The following SRPRA variants were observed in gnomAD, a reference collection of about 807,000 sequenced individuals.
The protein encoded by SRPRA is SRP receptor subunit alpha, also known as signal recognition particle receptor subunit alpha.
SRPRA carries 30 observed loss-of-function variants against 61.1 expected under a neutral mutation model. The ratio of observed to expected loss-of-function variants is 0.49; its 90% confidence interval spans 0.37 to 0.67. SRPRA has a LOEUF of 0.67. Ranked by LOEUF, SRPRA falls within the 30% of genes least tolerant of loss-of-function variation. SRPRA has a pLI of 0.00. For synonymous variants in SRPRA, 324 were observed against 299.7 expected, an observed-to-expected ratio of 1.08 and a Z score of -0.84; for missense variants, 759 against 828.4, an observed-to-expected ratio of 0.92 and a Z score of 1.03.
the SRPRA span, among the ~76,000 whole-genome samples, chr11:126,240,481 G>GCTATA: frequency 7.1e-3 from 1,078 of 152,198 alleles, 12 homozygotes; most frequent in African/African-American, 0.023. Flanking sequence ...AGTCAGCTGA[G>GCTATA]CTATAGTCTA....
chr11:126,236,535 A>G, the SRPRA span, among the ~76,000 whole-genome samples: 5 of 152,104 alleles, frequency 3.3e-5, no homozygotes, highest in Non-Finnish European at 5.9e-5. Context: ...TTTTATTCTC[A>G]GTAACCTGAA....
At chr11:126,241,789 A>G in the SRPRA span, among the ~76,000 whole-genome samples, 1 of 152,064 alleles carries the variant, frequency 6.6e-6, no homozygotes, top group Non-Finnish European at 1.5e-5. Flanking sequence ...ACCTCAAGTG[A>G]TCTGCCCACC....
chr11:126,262,038 ATTGAC>A (rs1183925441), downstream of SRPRA: 4 of 1,388,178 alleles, frequency 2.9e-6, no homozygotes, highest in Admixed American at 1.7e-5. Flanking sequence ...AAGGGTTAGG[ATTGAC>A]TTAAGTATCT....
In SRPRA at chr11:126,263,437, T is replaced by C. The variant is rs888398701; in HGVS notation, c.*479A>G. The C allele has an allele frequency of 6.4e-6, 1 of 156,308 alleles. No individual in the cohort carries two copies. Among genetic ancestry groups the C allele is most frequent in the Non-Finnish European group, 1.4e-5 (1 of 70,418 alleles). 9.7% of individuals were successfully genotyped at this position (156,308 alleles called of 1,614,324 possible). A position where few individuals can be genotyped will look rare whatever the true frequency, so the allele number is the denominator to read the frequency against. On this transcript the variant is annotated 3_prime_UTR_variant, in exon 14 of 14. Coordinates refer to ENST00000332118, the MANE Select transcript of SRPRA (RefSeq NM_003139.4). The stretch of plus-strand genomic sequence containing the variant: ...ATTAACAGGCAATACACTGCCACAG[T>C]GAGGCGGGTGTCATCCAGGTCCTGG...
downstream of SRPRA, among the ~76,000 whole-genome samples, chr11:126,258,365 C>T (rs1287790270): frequency 1.3e-5 from 2 of 152,142 alleles, no homozygotes; most frequent in Admixed American, 1.3e-4. Flanking sequence ...ACAGTCTGAG[C>T]AATAAAGCAA....
chr11:126,254,572 C>CCTATAA, the SRPRA span: 2 of 1,157,594 alleles, frequency 1.7e-6, no homozygotes, highest in Non-Finnish European at 2.4e-6. Context: ...GTGGCTCATG[C>CCTATAA]CTATAATCCC....
chr11:126,254,366 C>G, the SRPRA span: 15 of 1,614,218 alleles, frequency 9.3e-6, no homozygotes, highest in African/African-American at 1.5e-4. Context: ...GGAGTCTACA[C>G]CAACCCTAGT....
the SRPRA span, among the ~76,000 whole-genome samples, chr11:126,253,119 T>C: frequency 2.0e-5 from 3 of 152,246 alleles, no homozygotes; most frequent in Non-Finnish European, 2.9e-5. This position sits in a 1 kb window ranked among gnomAD's most constrained non-coding sequence, Gnocchi z 5.1. Flanking sequence ...TATGACCAAG[T>C]GTGTTCATGG....
At chr11:126,250,631 TG>T in the SRPRA span, 1 of 1,614,156 alleles carries the variant, frequency 6.2e-7, no homozygotes, top group Admixed American at 1.7e-5. The surrounding 1 kb of genome is among the most constrained non-coding windows in gnomAD (Gnocchi z 5.1). Context: ...TGATGGAAAA[TG>T]GAGCCCTCGT....
chr11:126,266,543 A>ACTT lies in SRPRA; in HGVS notation c.770_772dup (p.Glu257dup). The ACTT allele has an allele frequency of 1.2e-6, 2 of 1,614,022 alleles. No homozygotes were observed. Among genetic ancestry groups the ACTT allele is most frequent in the Non-Finnish European group, 1.7e-6 (2 of 1,179,986 alleles). ...GGTGGTGGGAGTACTGTAATCCAAC[A>ACTT]CTTCTTTGTTAGCACAGCCACCCAG... On this transcript the variant is annotated inframe_insertion, in exon 6 of 14. Coordinates refer to ENST00000332118, the MANE Select transcript of SRPRA (RefSeq NM_003139.4).
chr11:126,237,856 C>CAA, the SRPRA span, among the ~76,000 whole-genome samples: 8 of 60,020 alleles, frequency 1.3e-4, no homozygotes, highest in Admixed American at 1.8e-4. Flanking sequence ...ACTCCGTCTC[C>CAA]AAAAAAAAAA....
In SRPRA at chr11:126,266,167, C is replaced by T; in HGVS notation, c.932+20G>A. ...AGTTTTGCAGATGCATATACCAACC[C>T]CCACCTGAAATTCCCCTACCTAGGT... On this transcript the variant is annotated intron_variant, in intron 7 of 13. Transcript: ENST00000332118. The T allele has an allele frequency of 6.2e-7, 1 of 1,613,852 alleles. No individual in the cohort carries two copies. The highest frequency in any genetic ancestry group is 1.1e-5 in the South Asian group (1 of 91,074).
In SRPRA at chr11:126,264,859, G is replaced by A. The variant is rs116717337; in HGVS notation, c.1525+100C>T. ...TGACTTTTTACTGTAATTGACCAACGAGTCTGTAGTAGCACAAGCCTGATC... is the reference window on the plus strand; with the variant it reads ...TGACTTTTTACTGTAATTGACCAACAAGTCTGTAGTAGCACAAGCCTGATC... On this transcript the variant is annotated intron_variant, in intron 11 of 13. Coordinates refer to ENST00000332118, the MANE Select transcript of SRPRA (RefSeq NM_003139.4). This position sits in a 1 kb window ranked among gnomAD's most constrained non-coding sequence, Gnocchi z 5.0. The A allele has an allele frequency of 1.1e-3, 1,213 of 1,144,970 alleles. 2 individuals are homozygous for A. The highest frequency in any genetic ancestry group is 9.7e-3 in the African/African-American group (625 of 64,106). 70.9% of individuals were successfully genotyped at this position (1,144,970 alleles called of 1,614,324 possible). A position where few individuals can be genotyped will look rare whatever the true frequency, so the allele number is the denominator to read the frequency against.
Position 126,267,908 on chromosome 11 carries a change from C to T in SRPRA, c.201+95G>A, listed in dbSNP as rs1488095467. 8.3e-6 allele frequency: 12 copies of T among 1,446,726 alleles called. No homozygotes were observed. Among genetic ancestry groups the T allele is most frequent in the Admixed American group, 1.8e-5 (1 of 56,140 alleles). The allele number at this position is 1,446,726 out of a possible 1,614,324, so 89.6% of individuals were successfully genotyped here. On this transcript the variant is annotated intron_variant, in intron 2 of 13. Coordinates refer to ENST00000332118, the MANE Select transcript of SRPRA (RefSeq NM_003139.4). This position sits in a 1 kb window ranked among gnomAD's most constrained non-coding sequence, Gnocchi z 4.2. Reference sequence around the variant, plus strand: ...TCTACCTTTCTAGTTTTTTCAGTTACGTCATCATATACACTGGCTGCAATT... The same window carrying T: ...TCTACCTTTCTAGTTTTTTCAGTTATGTCATCATATACACTGGCTGCAATT...
rs759316828 is a variant in SRPRA, at chr11:126,267,191, C to CTT, written c.508_509dup (p.Gly171ArgfsTer33). 2 of 1,612,694 alleles carry CTT rather than the reference C, an allele frequency of 1.2e-6. No individual in the cohort carries two copies. The highest frequency in any genetic ancestry group is 1.7e-6 in the Non-Finnish European group (2 of 1,179,170). On this transcript the variant is annotated frameshift_variant, in exon 4 of 14. Transcript: ENST00000332118. LOFTEE classifies it high-confidence loss of function. The surrounding 1 kb of genome is among the most constrained non-coding windows in gnomAD (Gnocchi z 4.2). The stretch of plus-strand genomic sequence containing the variant: ...CAAACTTGCCTTCCTTCTTGGCCCC[C>CTT]TTTTTTTTGCTATTCTTTGCTTTTT...
intron 1 of SRPRA, 39 bp from the exon 2 acceptor site, chr11:126,268,125 A>C: frequency 6.3e-7 from 1 of 1,596,974 alleles, no homozygotes; most frequent in Non-Finnish European, 8.6e-7. Context: ...GACTATCCCC[A>C]GAAAACCCAG....
chr11:126,268,859 C>A lies in SRPRA; in HGVS notation c.-55G>T. ...CGCCGGGAATTCAGGCCGCGTTCGC[C>A]GCCGCTTCCTGCTGCGCCAAGCGCG... On this transcript the variant is annotated 5_prime_UTR_variant, in exon 1 of 14. Coordinates refer to ENST00000332118, the MANE Select transcript of SRPRA (RefSeq NM_003139.4). The A allele has an allele frequency of 7.0e-7, 1 of 1,434,218 alleles. No individual in the cohort carries two copies. The allele number at this position is 1,434,218 out of a possible 1,614,324, so 88.8% of individuals were successfully genotyped here.
the SRPRA span, among the ~76,000 whole-genome samples, chr11:126,249,298 C>T: frequency 2.6e-5 from 4 of 152,166 alleles, no homozygotes; most frequent in East Asian, 1.9e-4. Flanking sequence ...ATTTAAAAAA[C>T]GTATTAAATT....
the SRPRA span, among the ~76,000 whole-genome samples, chr11:126,247,931 A>G: frequency 2.2e-4 from 33 of 147,258 alleles, no homozygotes; most frequent in Non-Finnish European, 4.6e-4. Flanking sequence ...GTATATCTAT[A>G]TATATATTTT....
Sources: gnomAD v4.1 joint callset for allele counts (sites outside exome capture counted in the v4.1 genomes callset) on GRCh38, gnomAD v4.1.1 for gene constraint, Gnocchi (gnomAD v3.1) non-coding constraint, MANE v1.5 for transcripts, NCBI Gene and HGNC (gene_info 2026-07-23, HGNC 2026-07-21) for gene names.